TRIM22: variants seen among roughly 807,000 people sequenced by gnomAD.
TRIM22 encodes tripartite motif containing 22.
A neutral mutation model predicts 53.6 loss-of-function variants in TRIM22; 45 were observed. The observed-to-expected ratio is 0.84, with a 90% CI of 0.66 to 1.08. The LOEUF (loss-of-function observed/expected upper bound fraction) is 1.08. Among genes scored for constraint, TRIM22 ranks in the 50% least tolerant of loss-of-function variants. TRIM22 has a pLI of 0.00. For synonymous variants in TRIM22, 225 were observed against 216.6 expected, an observed-to-expected ratio of 1.04 and a Z score of -0.34; for missense variants, 616 against 590.9, an observed-to-expected ratio of 1.04 and a Z score of -0.44.
In TRIM22 at chr11:5,709,436, C is replaced by A. The variant is rs766265610; in HGVS notation, c.1285C>A (p.Pro429Thr). Reference sequence around the variant, plus strand: ...TTTTGAGGACTCCTCCTCTTCTGATCCCAAGGTTTTGACTCTCTTTATGGC... The same window carrying A: ...TTTTGAGGACTCCTCCTCTTCTGATACCAAGGTTTTGACTCTCTTTATGGC... ...NAFEDSSSSDPKVLTLFMAVP... is the reference protein window; with the variant it reads ...NAFEDSSSSDTKVLTLFMAVP... The change falls in exon 8 of 8, where the codon CCC becomes ACC. Residue 429 changes from proline (P) to threonine (T), a missense_variant. Pro to Thr is a conservative substitution (Grantham distance 38). Transcript: ENST00000379965. 1 of 1,614,164 alleles carries A rather than the reference C, an allele frequency of 6.2e-7. No homozygotes were observed. The highest frequency in any genetic ancestry group is 1.7e-5 in the Admixed American group (1 of 60,014).
chr11:5,692,317 G>A (rs1157951434), intron 1 of TRIM22, among the ~76,000 whole-genome samples: 6 of 152,160 alleles, frequency 3.9e-5, no homozygotes, highest in African/African-American at 1.4e-4. Flanking sequence ...CAATGATTTT[G>A]AGCAGTCTTC....
At chr11:5,697,002 G>T (rs1402194293) in intron 2 of TRIM22, 1 of 510,726 alleles carries the variant, frequency 2.0e-6, no homozygotes, top group Non-Finnish European at 3.4e-6. Context: ...TTACTGCAGG[G>T]TCTGCTTTTT....
chr11:5,689,964 T>A (rs886246996), intron 1 of TRIM22, 65 bp downstream of exon 1: 6 of 152,290 alleles, frequency 3.9e-5, no homozygotes, highest in African/African-American at 1.4e-4. Context: ...TGATTGTGTC[T>A]GGGTGAGTTT....
At chr11:5,705,259 A>G (rs1376943673) in intron 4 of TRIM22, among the ~76,000 whole-genome samples, 1 of 152,208 alleles carries the variant, frequency 6.6e-6, no homozygotes, top group Non-Finnish European at 1.5e-5. Context: ...GAGTAAAAAG[A>G]GCCGTTGTCT....
chr11:5,710,596 T>G lies in TRIM22; in HGVS notation c.*948T>G, dbSNP rs1422014226. 2.0e-5 allele frequency: 3 copies of G among 152,210 alleles called. No individual in the cohort carries two copies. 9.4% of individuals were successfully genotyped at this position (152,210 alleles called of 1,614,324 possible). A position where few individuals can be genotyped will look rare whatever the true frequency, so the allele number is the denominator to read the frequency against. Reference sequence around the variant, plus strand: ...AAATTTTATCTTTTCACTTACAAGCTCTATGATCTTAAATAATTTACTTAA... The same window carrying G: ...AAATTTTATCTTTTCACTTACAAGCGCTATGATCTTAAATAATTTACTTAA... On this transcript the variant is annotated 3_prime_UTR_variant, in exon 8 of 8. Transcript: ENST00000379965.
chr11:5,696,826 A>T, intron 2 of TRIM22, 171 bp downstream of exon 2: 1 of 676,174 alleles, frequency 1.5e-6, no homozygotes. Flanking sequence ...ACACTGCTGC[A>T]CATTGTTTTA....
chr11:5,695,995 G>A (rs886478228), intron 1 of TRIM22, among the ~76,000 whole-genome samples, 172 bp from the exon 2 acceptor site: 1 of 152,256 alleles, frequency 6.6e-6, no homozygotes, highest in Admixed American at 6.5e-5. Flanking sequence ...TAAGAATAAA[G>A]TGTTTGAAAT....
At chr11:5,690,675 T>C (rs576421426) in intron 1 of TRIM22, among the ~76,000 whole-genome samples, 3 of 152,338 alleles carry the variant, frequency 2.0e-5, no homozygotes, top group East Asian at 3.9e-4. Flanking sequence ...AACCTTATCA[T>C]ACCCCACATT....
chr11:5,699,380 C>T (rs1011986080), intron 4 of TRIM22, among the ~76,000 whole-genome samples: 3 of 143,028 alleles, frequency 2.1e-5, no homozygotes, highest in East Asian at 2.0e-4. Context: ...AAAAATTAGC[C>T]GGGCGCGGTG....
chr11:5,703,573 G>A (rs66481907), intron 4 of TRIM22, among the ~76,000 whole-genome samples: 24,431 of 151,814 alleles, frequency 0.16, 2,167 homozygotes, highest in Middle Eastern at 0.25. Context: ...TTTTAGTAGA[G>A]ACGGGGTTTC....
In TRIM22 at chr11:5,705,445, T is replaced by C. The variant is rs982062891; in HGVS notation, c.751-1149T>C. 2.6e-5 allele frequency among the ~76,000 whole-genome samples: 4 copies of C among 152,232 alleles called. No homozygotes were observed. The South Asian group carries it at 6.2e-4, about 24-fold the overall frequency. On this transcript the variant is annotated intron_variant, in intron 4 of 7. Transcript: ENST00000379965. ...GATGTAGCTATGAGTAAAATTATAC[T>C]TGACCCCTTGAATTTGTTTTTTAAA...
intron 4 of TRIM22, among the ~76,000 whole-genome samples, chr11:5,703,881 C>T (rs1170981319): frequency 7.2e-5 from 11 of 152,024 alleles, no homozygotes; most frequent in Admixed American, 7.2e-4. Flanking sequence ...GGCCAACAAA[C>T]ATATGAAAAA....
At chr11:5,708,883 A>C (rs1853509029) in intron 7 of TRIM22, among the ~76,000 whole-genome samples, 170 bp from the exon 8 acceptor site, 1 of 152,064 alleles carries the variant, frequency 6.6e-6, no homozygotes, top group African/African-American at 2.4e-5. Context: ...CGCTTGGCTA[A>C]TTTTTATAGT....
At chr11:5,691,062 T>A (rs939649657) in intron 1 of TRIM22, 1 of 152,320 alleles carries the variant, frequency 6.6e-6, no homozygotes, top group Admixed American at 6.5e-5. Flanking sequence ...GCAGCTCCAC[T>A]TTGGTCTCTT....
intron 4 of TRIM22, among the ~76,000 whole-genome samples, chr11:5,703,462 T>G (rs1336806814): frequency 1.3e-5 from 2 of 152,098 alleles, no homozygotes; most frequent in East Asian, 1.9e-4. Context: ...CTTGGCTCAC[T>G]GCAAGCTCTG....
Position 5,708,198 on chromosome 11 carries a change from C to G in TRIM22, c.799C>G (p.Pro267Ala). ...KRSESWTLKK[P>A]KSVSKKLKSV... is the part of the protein sequence containing the mutation. ...GAGTGAAAGCTGGACATTGAAGAAG[C>G]CAAAATCTGTTTCCAAGAAACTAAA... Residue 267 changes from proline to alanine, a missense_variant, in exon 6 of 8, where the codon CCA becomes GCA. Transcript: ENST00000379965. The G allele has an allele frequency of 6.2e-7, 1 of 1,614,108 alleles. No homozygotes were observed. The highest frequency in any genetic ancestry group is 8.5e-7 in the Non-Finnish European group (1 of 1,179,998).
In TRIM22 at chr11:5,708,199, C is replaced by CA; in HGVS notation, c.804dup (p.Ser269IlefsTer23). ...AGTGAAAGCTGGACATTGAAGAAGC[C>CA]AAAATCTGTTTCCAAGAAACTAAAG... On this transcript the variant is annotated frameshift_variant, in exon 6 of 8. Coordinates refer to ENST00000379965, the MANE Select transcript of TRIM22 (RefSeq NM_006074.5). LOFTEE classifies it high-confidence loss of function. The CA allele has an allele frequency of 6.2e-7, 1 of 1,614,134 alleles. No individual in the cohort carries two copies. Among genetic ancestry groups the CA allele is most frequent in the Non-Finnish European group, 8.5e-7 (1 of 1,180,000 alleles).
At chr11:5,693,590 G>A (rs2134171603) in intron 1 of TRIM22, among the ~76,000 whole-genome samples, 1 of 151,896 alleles carries the variant, frequency 6.6e-6, no homozygotes, top group Admixed American at 6.5e-5. Context: ...GGGTGTGGTG[G>A]CGGGCGCCTG....
intron 2 of TRIM22, chr11:5,697,039 T>G: frequency 1.8e-6 from 1 of 543,688 alleles, no homozygotes; most frequent in South Asian, 2.8e-5. Flanking sequence ...AGGCTACTCT[T>G]GATAAGAGGA....
Sources: gnomAD v4.1 joint callset for allele counts (sites outside exome capture counted in the v4.1 genomes callset) on GRCh38, gnomAD v4.1.1 for gene constraint, MANE v1.5 for transcripts, NCBI Gene and HGNC (gene_info 2026-07-23, HGNC 2026-07-21) for gene names.